Variants in GPHN observed in about 807,000 individuals in gnomAD.
GPHN encodes gephyrin.
A neutral mutation model predicts 95.5 loss-of-function variants in GPHN; 17 were observed. The observed-to-expected ratio is 0.18, with a 90% CI of 0.12 to 0.27. The LOEUF is 0.27. Among genes scored for constraint, GPHN ranks in the 10% least tolerant of loss-of-function variants. GPHN has a pLI of 1.00. For missense variants in GPHN, 660 were observed against 978.1 expected, an observed-to-expected ratio of 0.67 and a Z score of 4.34; for synonymous variants, 320 against 322.5, an observed-to-expected ratio of 0.99 and a Z score of 0.08.
At chr14:66,592,229 G>A (rs36173953) in intron 1 of GPHN, among the ~76,000 whole-genome samples, 1 of 152,094 alleles carries the variant, frequency 6.6e-6, no homozygotes, top group Non-Finnish European at 1.5e-5. Context: ...ATACCATTCA[G>A]GACATAGGCA....
At chr14:67,622,207 TTTCTG>T in the GPHN span, among the ~76,000 whole-genome samples, 1 of 152,226 alleles carries the variant, frequency 6.6e-6, no homozygotes, top group African/African-American at 2.4e-5. Flanking sequence ...TCACATATCT[TTTCTG>T]GTGACATAAG....
chr14:67,567,177 T>C, the GPHN span, among the ~76,000 whole-genome samples: 2 of 152,080 alleles, frequency 1.3e-5, no homozygotes, highest in Admixed American at 6.6e-5. Context: ...GAAATCACAG[T>C]GGCCAGAAGC....
chr14:67,441,331 C>A, the GPHN span, among the ~76,000 whole-genome samples: 2 of 152,130 alleles, frequency 1.3e-5, no homozygotes, highest in Non-Finnish European at 2.9e-5. Flanking sequence ...TGACAGACAG[C>A]AGAGGTAAAT....
chr14:67,001,711 G>C (rs1490197607), intron 9 of GPHN, among the ~76,000 whole-genome samples: 1 of 151,498 alleles, frequency 6.6e-6, no homozygotes, highest in Non-Finnish European at 1.5e-5. Context: ...CCTGGCTTTG[G>C]CCAAAAATAA....
chr14:66,710,983 G>A (rs778439661), intron 2 of GPHN, among the ~76,000 whole-genome samples: 1 of 152,096 alleles, frequency 6.6e-6, no homozygotes, highest in Non-Finnish European at 1.5e-5. Context: ...TACCTTACTA[G>A]AATAGTTATC....
chr14:67,496,031 G>A, the GPHN span, among the ~76,000 whole-genome samples: 4 of 152,218 alleles, frequency 2.6e-5, no homozygotes, highest in Non-Finnish European at 4.4e-5. Context: ...GTTAGATAAC[G>A]CACAGCCAAA....
the GPHN span, among the ~76,000 whole-genome samples, chr14:67,709,941 A>G: frequency 6.6e-6 from 1 of 152,206 alleles, no homozygotes; most frequent in Admixed American, 6.5e-5. Context: ...TCCTCTGCTC[A>G]CTGAGATAGA....
At chr14:67,665,893 G>A in the GPHN span, among the ~76,000 whole-genome samples, 1 of 152,182 alleles carries the variant, frequency 6.6e-6, no homozygotes, top group Non-Finnish European at 1.5e-5. Flanking sequence ...ATGGCAAATG[G>A]TATGACTCTT....
intron 9 of GPHN, among the ~76,000 whole-genome samples, chr14:66,988,469 G>A (rs1216852138): frequency 2.6e-5 from 4 of 151,812 alleles, no homozygotes; most frequent in Non-Finnish European, 4.4e-5. Flanking sequence ...TCAGTGTTAG[G>A]GTATCATAGG....
rs889200111 is a variant in GPHN at position 66,737,001 on chromosome 14, C to T, written c.144-39463C>T. Among the ~76,000 whole-genome samples the T allele has an allele frequency of 1.8e-4, 27 of 152,050 alleles. 1 individual carries two copies. Among genetic ancestry groups the T allele is most frequent in the Non-Finnish European group, 1.3e-4 (9 of 68,012 alleles). On this transcript the variant is annotated intron_variant, in intron 2 of 22. Coordinates refer to ENST00000478722, the MANE Select transcript of GPHN (RefSeq NM_020806.5). ...GTCTTCTGAGTTTGTTTCTCCAGTC[C>T]TAAAATTATTATATGTTTCATTCAT...
chr14:67,150,404 G>A (rs1479560768), intron 18 of GPHN, among the ~76,000 whole-genome samples: 2 of 121,978 alleles, frequency 1.6e-5, no homozygotes, highest in South Asian at 2.7e-4. Flanking sequence ...TCCCGCCACT[G>A]CACTCCAGCC....
At chr14:66,846,362 G>A (rs542204470) in intron 4 of GPHN, among the ~76,000 whole-genome samples, 6 of 152,264 alleles carry the variant, frequency 3.9e-5, no homozygotes, top group East Asian at 1.9e-4. Flanking sequence ...TGGGTAATCT[G>A]TAGTCTGCTA....
At chr14:67,534,681 C>T in the GPHN span, among the ~76,000 whole-genome samples, 1 of 151,964 alleles carries the variant, frequency 6.6e-6, no homozygotes, top group Non-Finnish European at 1.5e-5. Context: ...AGCCTGTGGC[C>T]CCAAACTCAT....
At chr14:67,653,442 G>A in the GPHN span, 240 of 1,613,492 alleles carry the variant, frequency 1.5e-4, 1 homozygote, top group Non-Finnish European at 2.1e-5. Flanking sequence ...CTTACTTTCT[G>A]GACATTGAAC....
At chr14:66,601,481 A>G (rs1363047085) in intron 1 of GPHN, among the ~76,000 whole-genome samples, 2 of 151,966 alleles carry the variant, frequency 1.3e-5, no homozygotes, top group Non-Finnish European at 2.9e-5. Flanking sequence ...AGTGATGGTG[A>G]AGGGGCAACC....
At chr14:67,038,331 A>G (rs1386465941) in intron 10 of GPHN, among the ~76,000 whole-genome samples, 1 of 152,076 alleles carries the variant, frequency 6.6e-6, no homozygotes, top group East Asian at 1.9e-4. Context: ...ATGGATGTAA[A>G]GCTTCATTCA....
chr14:67,224,091 C>A, the GPHN span: 1 of 767,572 alleles, frequency 1.3e-6, no homozygotes, highest in Non-Finnish European at 1.6e-6. Context: ...AAATTCATCT[C>A]TCAAACCTCT....
the GPHN span, among the ~76,000 whole-genome samples, chr14:67,711,711 G>A: frequency 6.6e-6 from 1 of 152,054 alleles, no homozygotes; most frequent in Non-Finnish European, 1.5e-5. Context: ...ACAACACTAG[G>A]CAGTTCTCAG....
the GPHN span, among the ~76,000 whole-genome samples, chr14:67,209,542 G>A: frequency 6.6e-5 from 10 of 152,012 alleles, no homozygotes; most frequent in African/African-American, 1.5e-4. Flanking sequence ...ATAATAGGCC[G>A]GGTGTGGTGG....
Sources: gnomAD v4.1 joint callset for allele counts (sites outside exome capture counted in the v4.1 genomes callset) on GRCh38, gnomAD v4.1.1 for gene constraint, MANE v1.5 for transcripts, NCBI Gene and HGNC (gene_info 2026-07-23, HGNC 2026-07-21) for gene names.